ACER2: variants seen among roughly 807,000 people sequenced by gnomAD.
The protein encoded by ACER2 is alkaline ceramidase 2.
A neutral mutation model predicts 34.7 loss-of-function variants in ACER2; 26 were observed. That is an observed-to-expected ratio of 0.75 (90% CI 0.55 to 1.04). The LOEUF is 1.04. Among genes scored for constraint, ACER2 ranks in the 50% least tolerant of loss-of-function variants. The probability of loss-of-function intolerance (pLI) is 0.00; values close to 1 mark genes in which losing one functional copy is unlikely to be tolerated. For missense variants in ACER2, 352 were observed against 340.8 expected (o/e 1.03, Z -0.26); for synonymous variants, 138 against 132.1 (o/e 1.04, Z -0.31).
At chr9:19,427,021 A>G (rs1007427306) in intron 3 of ACER2, among the ~76,000 whole-genome samples, 7 of 152,254 alleles carry the variant, frequency 4.6e-5, no homozygotes, top group Non-Finnish European at 7.3e-5. Context: ...CTTTGGAGGC[A>G]CTGGGTACCA....
intron 5 of ACER2, chr9:19,446,736 T>C: frequency 4.2e-6 from 3 of 721,536 alleles, no homozygotes; most frequent in Non-Finnish European, 5.1e-6. Context: ...TAGCTAGGTG[T>C]TGGGGGAGGG....
chr9:19,442,203 A>G (rs550498536), intron 4 of ACER2, among the ~76,000 whole-genome samples: 1 of 152,320 alleles, frequency 6.6e-6, no homozygotes, highest in Admixed American at 6.5e-5. Context: ...TTTTCTGATT[A>G]TAGGAGTGAT....
At chr9:19,422,011 C>A (rs80223501) in intron 1 of ACER2, among the ~76,000 whole-genome samples, 2 of 151,674 alleles carry the variant, frequency 1.3e-5, no homozygotes, top group African/African-American at 4.8e-5. Context: ...AGGCTGGACG[C>A]GGTGACTCAT....
intron 3 of ACER2, among the ~76,000 whole-genome samples, chr9:19,428,454 C>T (rs528224929): frequency 3.9e-5 from 6 of 152,220 alleles, no homozygotes. Flanking sequence ...AGGTATGAGC[C>T]ACCATATCTG....
In ACER2 at chr9:19,450,628, A is replaced by T; in HGVS notation, c.820A>T (p.Ile274Phe). 6.4e-7 allele frequency: 1 copy of T among 1,556,886 alleles called. No homozygotes were observed. The highest frequency in any genetic ancestry group is 8.8e-7 in the Non-Finnish European group (1 of 1,136,962). ...TGCCAACAAGAAATCATCAGTCAAGATCACGTGATGGCAAGATGGTGGCTG... is the reference window on the plus strand; with the variant it reads ...TGCCAACAAGAAATCATCAGTCAAGTTCACGTGATGGCAAGATGGTGGCTG... ...LCANKKSSVK[I>F]T Residue 274 changes from isoleucine (I) to phenylalanine (F), a missense_variant, in exon 6 of 6, where the codon ATC becomes TTC. Physicochemically the swap from Ile to Phe is conservative, Grantham distance 21. Transcript: ENST00000340967.
chr9:19,442,173 T>C (rs889513922), intron 4 of ACER2, among the ~76,000 whole-genome samples: 1 of 152,186 alleles, frequency 6.6e-6, no homozygotes, highest in African/African-American at 2.4e-5. Context: ...CTCAGATACA[T>C]TGATATTTAA....
intron 4 of ACER2, among the ~76,000 whole-genome samples, chr9:19,437,264 G>T (rs1026135930): frequency 6.6e-6 from 1 of 152,124 alleles, no homozygotes; most frequent in African/African-American, 2.4e-5. Flanking sequence ...GTTTGCCTAC[G>T]ATTTCCCTCA....
chr9:19,429,697 C>A (rs974092472), intron 3 of ACER2, among the ~76,000 whole-genome samples: 22 of 152,036 alleles, frequency 1.4e-4, no homozygotes, highest in African/African-American at 5.3e-4. Context: ...AGATAAAATC[C>A]ACTTTATTTT....
At chr9:19,424,103 C>T in intron 2 of ACER2, 127 bp downstream of exon 2, 1 of 932,376 alleles carries the variant, frequency 1.1e-6, no homozygotes, top group Non-Finnish European at 1.7e-6. Context: ...GAGGTCTTAG[C>T]AAACTTTTTT....
At chr9:19,410,289 C>T (rs1021646543) in intron 1 of ACER2, among the ~76,000 whole-genome samples, 2 of 152,228 alleles carry the variant, frequency 1.3e-5, no homozygotes, top group Admixed American at 1.3e-4. Flanking sequence ...CTGTCATGCT[C>T]ACATTTCTGG....
chr9:19,434,821 G>A, intron 3 of ACER2, 126 bp from the exon 4 acceptor site: 1 of 1,249,092 alleles, frequency 8.0e-7, no homozygotes. Flanking sequence ...TTTGAACCTT[G>A]GTACTTAGCG....
At chr9:19,409,279 C>T (rs2132446764) in intron 1 of ACER2, 87 bp downstream of exon 1, 5 of 1,327,890 alleles carry the variant, frequency 3.8e-6, no homozygotes, top group Middle Eastern at 2.0e-4. Flanking sequence ...GGACGTGGGT[C>T]TCTGCGCGCA....
chr9:19,424,261 C>A, intron 2 of ACER2: 1 of 693,140 alleles, frequency 1.4e-6, no homozygotes, highest in Non-Finnish European at 1.8e-6. Context: ...AACAACTGAA[C>A]TCTGGGGAGG....
intron 1 of ACER2, chr9:19,409,767 C>A (rs993158994): frequency 2.5e-4 from 245 of 984,620 alleles, no homozygotes; most frequent in Non-Finnish European, 2.9e-4. Flanking sequence ...TTTTTTCTTG[C>A]CTTTAGTGTC....
At chr9:19,419,950 A>G (rs897182137) in intron 1 of ACER2, among the ~76,000 whole-genome samples, 10 of 151,856 alleles carry the variant, frequency 6.6e-5, no homozygotes, top group African/African-American at 2.4e-4. Flanking sequence ...TCTCCCACCC[A>G]TCTTTCTCCC....
chr9:19,431,299 C>T (rs1025698709), intron 3 of ACER2, among the ~76,000 whole-genome samples: 8 of 152,140 alleles, frequency 5.3e-5, no homozygotes, highest in Non-Finnish European at 8.8e-5. Flanking sequence ...AGTTGAGTTA[C>T]TTGCCAAAGG....
chr9:19,435,020 A>G lies in ACER2; in HGVS notation c.439A>G (p.Asn147Asp), dbSNP rs1830914477. Residue 147 changes from asparagine to aspartate, a missense_variant, in exon 4 of 6, where the codon AAC becomes GAC. By Grantham distance (23) the Asn-to-Asp change is conservative. Transcript: ENST00000340967. ...TCLAFVKPAI[N>D]NISLMTLGVP... is the part of the protein sequence containing the mutation. ...CCTGGCATTTGTCAAGCCTGCCATCAACAACATCTCTCTGATGACCCTGGG... is the reference window on the plus strand; with the variant it reads ...CCTGGCATTTGTCAAGCCTGCCATCGACAACATCTCTCTGATGACCCTGGG... 6.2e-7 allele frequency: 1 copy of G among 1,614,048 alleles called. No homozygotes were observed. The highest frequency in any genetic ancestry group is 8.5e-7 in the Non-Finnish European group (1 of 1,180,042).
intron 3 of ACER2, among the ~76,000 whole-genome samples, chr9:19,429,307 T>C (rs74772129): frequency 0.053 from 8,035 of 152,232 alleles, 527 homozygotes; most frequent in African/African-American, 0.15. Context: ...AACAAGGAAC[T>C]ATTATAGGCT....
At chr9:19,424,575 T>G (rs959548730) in intron 2 of ACER2, 125 bp from the exon 3 acceptor site, 1 of 1,495,726 alleles carries the variant, frequency 6.7e-7, no homozygotes, top group Admixed American at 2.4e-5. Context: ...TTCAGTTTCT[T>G]TTTTCAGAGA....
Sources: allele counts gnomAD v4.1 joint callset (sites outside exome capture counted in the v4.1 genomes callset), GRCh38; gene constraint gnomAD v4.1.1; transcripts MANE v1.5; gene names NCBI Gene and HGNC (gene_info 2026-07-23, HGNC 2026-07-21).